The following PABPC4L variants were observed in gnomAD, a reference collection of about 807,000 sequenced individuals.
The protein encoded by PABPC4L is polyadenylate-binding protein 4-like.
For missense variants in PABPC4L, 452 were observed against 451.4 expected (o/e 1.00, Z -0.01); for synonymous variants, 169 against 164.1 (o/e 1.03, Z -0.23).
chr4:134,026,674 T>C, the PABPC4L span, among the ~76,000 whole-genome samples: 2 of 152,078 alleles, frequency 1.3e-5, no homozygotes, highest in Admixed American at 6.6e-5. Flanking sequence ...TCAGAATGTA[T>C]CTTTATTTGG....
chr4:134,082,885 C>T, the PABPC4L span, among the ~76,000 whole-genome samples: 1 of 152,068 alleles, frequency 6.6e-6, no homozygotes, highest in African/African-American at 2.4e-5. Context: ...TCGATATTTT[C>T]CAGAGCCTAG....
chr4:134,184,186 A>G, the PABPC4L span, among the ~76,000 whole-genome samples: 1 of 151,890 alleles, frequency 6.6e-6, no homozygotes, highest in Non-Finnish European at 1.5e-5. Context: ...ACATAGAACA[A>G]ATAGGGGGAT....
chr4:134,082,080 G>A, the PABPC4L span, among the ~76,000 whole-genome samples: 3 of 152,240 alleles, frequency 2.0e-5, no homozygotes, highest in African/African-American at 7.2e-5. Flanking sequence ...ACGAGGTTCA[G>A]CGGCATCATT....
At chr4:133,979,588 G>A in the PABPC4L span, among the ~76,000 whole-genome samples, 374 of 152,136 alleles carry the variant, frequency 2.5e-3, 2 homozygotes, top group Middle Eastern at 0.034. Flanking sequence ...TAAAGACGTC[G>A]TCCTAGCCCC....
chr4:134,002,101 T>C, the PABPC4L span, among the ~76,000 whole-genome samples: 1 of 141,460 alleles, frequency 7.1e-6, no homozygotes. Context: ...CTCCAATATG[T>C]GGCTTCTTCA....
At chr4:134,072,392 G>C in the PABPC4L span, among the ~76,000 whole-genome samples, 1 of 152,278 alleles carries the variant, frequency 6.6e-6, no homozygotes, top group South Asian at 2.1e-4. Flanking sequence ...ACTAGCAGTA[G>C]ACTAAGTGTT....
At chr4:134,055,547 C>G in the PABPC4L span, among the ~76,000 whole-genome samples, 1 of 151,494 alleles carries the variant, frequency 6.6e-6, no homozygotes, top group Non-Finnish European at 1.5e-5. Flanking sequence ...TTTAAGCCAC[C>G]TAGTCTGTGG....
the PABPC4L span, among the ~76,000 whole-genome samples, chr4:134,049,530 G>A: frequency 1.3e-5 from 2 of 152,064 alleles, no homozygotes; most frequent in Admixed American, 6.6e-5. Flanking sequence ...AAGAATTACA[G>A]TGCAGATTAC....
the PABPC4L span, among the ~76,000 whole-genome samples, chr4:133,989,003 TTGGACCCTTTTACCCA>T: frequency 6.6e-6 from 1 of 152,148 alleles, no homozygotes; most frequent in Non-Finnish European, 1.5e-5. Context: ...TGAGTTGACC[TTGGACCCTTTTACCCA>T]TGGATGGACC....
the PABPC4L span, among the ~76,000 whole-genome samples, chr4:133,986,481 C>A: frequency 6.8e-6 from 1 of 146,694 alleles, no homozygotes; most frequent in African/African-American, 2.7e-5. Flanking sequence ...AGGACAAATA[C>A]TTAATGACAA....
the PABPC4L span, among the ~76,000 whole-genome samples, chr4:134,019,778 C>T: frequency 6.6e-6 from 1 of 152,096 alleles, no homozygotes; most frequent in South Asian, 2.1e-4. Context: ...CACAGATTTT[C>T]AGATCTTTAG....
At chr4:134,047,964 G>T in the PABPC4L span, among the ~76,000 whole-genome samples, 1 of 151,930 alleles carries the variant, frequency 6.6e-6, no homozygotes, top group African/African-American at 2.4e-5. Flanking sequence ...ATTTTCTGAC[G>T]GCAAAGATGG....
At chr4:133,965,762 A>T in the PABPC4L span, among the ~76,000 whole-genome samples, 1 of 152,196 alleles carries the variant, frequency 6.6e-6, no homozygotes, top group Non-Finnish European at 1.5e-5. Context: ...ATAATTGGCT[A>T]GCCATATGTA....
the PABPC4L span, among the ~76,000 whole-genome samples, chr4:134,079,713 G>A: frequency 6.6e-6 from 1 of 150,790 alleles, no homozygotes; most frequent in South Asian, 2.1e-4. Context: ...GAGAGAGAGA[G>A]AAAGAGAGAG....
At chr4:134,123,761 GAGAA>G in the PABPC4L span, among the ~76,000 whole-genome samples, 100 of 151,746 alleles carry the variant, frequency 6.6e-4, no homozygotes, top group African/African-American at 2.3e-3. Context: ...AAATGCCTAA[GAGAA>G]AGGCATAGAA....
the PABPC4L span, among the ~76,000 whole-genome samples, chr4:134,024,281 C>A: frequency 6.6e-6 from 1 of 152,074 alleles, no homozygotes; most frequent in African/African-American, 2.4e-5. Context: ...GTGTATAGAA[C>A]CTCATTTTCC....
chr4:134,196,663 C>G lies in PABPC4L; in HGVS notation c.*3244G>C. On this transcript the variant is annotated 3_prime_UTR_variant, in exon 2 of 2. Transcript: ENST00000421491. ...AAGATTCTACTTATTTATTAAGGCACTTGGGCACAAAAGATTTAATATTCT... is the reference window on the plus strand; with the variant it reads ...AAGATTCTACTTATTTATTAAGGCAGTTGGGCACAAAAGATTTAATATTCT... 1 of 151,734 alleles carries G rather than the reference C, an allele frequency of 6.6e-6. No homozygotes were observed. Among genetic ancestry groups the G allele is most frequent in the Non-Finnish European group, 1.5e-5 (1 of 67,654 alleles). The allele number at this position is 151,734 out of a possible 1,614,324, so 9.4% of individuals were successfully genotyped here. A position where few individuals can be genotyped will look rare whatever the true frequency, so the allele number is the denominator to read the frequency against.
At chr4:134,160,877 A>T in the PABPC4L span, among the ~76,000 whole-genome samples, 1 of 151,984 alleles carries the variant, frequency 6.6e-6, no homozygotes, top group Non-Finnish European at 1.5e-5. Flanking sequence ...AAATATATAA[A>T]GTAAAATTTA....
the PABPC4L span, among the ~76,000 whole-genome samples, chr4:134,050,880 ATTTTTTTTT>A: frequency 5.2e-5 from 7 of 134,724 alleles, no homozygotes; most frequent in South Asian, 9.1e-4. Flanking sequence ...ATTGACCTTT[ATTTTTTTTT>A]TTTTTTTTTG....
Sources: allele counts gnomAD v4.1 joint callset (sites outside exome capture counted in the v4.1 genomes callset), GRCh38; gene constraint gnomAD v4.1.1; transcripts MANE v1.5; gene names NCBI Gene and HGNC (gene_info 2026-07-23, HGNC 2026-07-21).